CPNE4: variants seen among roughly 807,000 people sequenced by gnomAD.
CPNE4 encodes the protein copine 4, also known as copine-4.
CPNE4 carries 25 observed loss-of-function variants against 67.9 expected under a neutral mutation model. The observed-to-expected ratio is 0.37, with a 90% CI of 0.27 to 0.51. The LOEUF (loss-of-function observed/expected upper bound fraction) is 0.51, where lower values mean the gene tolerates loss of function less well. Ranked by LOEUF, CPNE4 falls within the 20% of genes least tolerant of loss-of-function variation. CPNE4 has a pLI of 0.93. For missense variants in CPNE4, 464 were observed against 690.8 expected, an observed-to-expected ratio of 0.67 and a Z score of 3.68; for synonymous variants, 242 against 244.9, an observed-to-expected ratio of 0.99 and a Z score of 0.11.
intron 1 of CPNE4, among the ~76,000 whole-genome samples, chr3:131,916,994 C>T (rs546346302): frequency 1.3e-5 from 2 of 152,262 alleles, no homozygotes; most frequent in East Asian, 3.9e-4. Flanking sequence ...TCAAGTTTAG[C>T]TGCTAGGCTT....
intron 2 of CPNE4, among the ~76,000 whole-genome samples, chr3:131,901,138 T>A (rs2107765412): frequency 6.6e-6 from 1 of 152,162 alleles, no homozygotes; most frequent in Non-Finnish European, 1.5e-5. Context: ...GAGCATATGC[T>A]CCAGTGAACT....
At chr3:131,750,875 G>T (rs2082609675) in intron 2 of CPNE4, among the ~76,000 whole-genome samples, 5 of 151,954 alleles carry the variant, frequency 3.3e-5, no homozygotes, top group Admixed American at 2.6e-4. Flanking sequence ...ATTTGAGAAT[G>T]TTTTGATTTC....
At chr3:131,718,505 G>T (rs1001516657) in intron 3 of CPNE4, among the ~76,000 whole-genome samples, 1 of 152,130 alleles carries the variant, frequency 6.6e-6, no homozygotes, top group Non-Finnish European at 1.5e-5. Context: ...CCTTCATGCT[G>T]CTGTGTCTTT....
intron 2 of CPNE4, among the ~76,000 whole-genome samples, chr3:131,871,318 G>A (rs563475125): frequency 3.0e-4 from 46 of 152,244 alleles, no homozygotes; most frequent in Admixed American, 1.6e-3. Flanking sequence ...GATTTGCCCT[G>A]ATAAGAAGAG....
intron 2 of CPNE4, among the ~76,000 whole-genome samples, chr3:131,827,671 C>G (rs780424160): frequency 1.3e-5 from 2 of 151,912 alleles, no homozygotes; most frequent in Non-Finnish European, 2.9e-5. Context: ...TTAATTATAT[C>G]ATAAGAAAAG....
At chr3:131,893,852 A>G (rs995875293) in intron 2 of CPNE4, among the ~76,000 whole-genome samples, 3 of 151,946 alleles carry the variant, frequency 2.0e-5, no homozygotes, top group Non-Finnish European at 4.4e-5. Flanking sequence ...AGAAACATCA[A>G]AAAGGAAGAA....
chr3:131,683,114 A>G (rs115535588), intron 6 of CPNE4, among the ~76,000 whole-genome samples: 1,557 of 152,232 alleles, frequency 0.01, 32 homozygotes, highest in African/African-American at 0.036. Flanking sequence ...CCAAGAGCCC[A>G]ATTGCTGCTC....
chr3:131,549,141 A>C (rs964818903), intron 14 of CPNE4, among the ~76,000 whole-genome samples: 1 of 152,204 alleles, frequency 6.6e-6, no homozygotes, highest in Non-Finnish European at 1.5e-5. Flanking sequence ...AGATGTTGAC[A>C]TGAGGTAGGA....
intron 7 of CPNE4, among the ~76,000 whole-genome samples, chr3:131,623,934 C>T (rs1040904608): frequency 6.6e-6 from 1 of 152,116 alleles, no homozygotes; most frequent in African/African-American, 2.4e-5. Context: ...AGGCATTACC[C>T]GATGTGGGTA....
chr3:131,915,702 T>G (rs941642107), intron 1 of CPNE4, among the ~76,000 whole-genome samples: 3 of 152,182 alleles, frequency 2.0e-5, no homozygotes, highest in African/African-American at 7.2e-5. Context: ...TTCAATCATT[T>G]CCTGAACTTT....
At chr3:131,834,182 T>C (rs769899489) in intron 2 of CPNE4, among the ~76,000 whole-genome samples, 1 of 152,366 alleles carries the variant, frequency 6.6e-6, no homozygotes, top group Admixed American at 6.5e-5. Flanking sequence ...TGAAAGCTTG[T>C]GGTTTAAATT....
At position 131,723,636 on chromosome 3, in the gene CPNE4, A is replaced by C; in HGVS notation, c.181-11T>G. On this transcript the variant is annotated splice_polypyrimidine_tract_variant and intron_variant, in intron 2 of 15. Transcript: ENST00000429747. Reference sequence around the variant, plus strand: ...CTCAGTCCTGTCAACCTGCAAGGAGAAAGAGAAAACCTATCAGAGATAAGG... The same window carrying C: ...CTCAGTCCTGTCAACCTGCAAGGAGCAAGAGAAAACCTATCAGAGATAAGG... 1 of 1,606,490 alleles carries C rather than the reference A, an allele frequency of 6.2e-7. No individual in the cohort carries two copies. Among genetic ancestry groups the C allele is most frequent in the Non-Finnish European group, 8.5e-7 (1 of 1,174,954 alleles).
At chr3:131,633,805 G>T (rs2079301689) in intron 7 of CPNE4, among the ~76,000 whole-genome samples, 1 of 151,674 alleles carries the variant, frequency 6.6e-6, no homozygotes, top group Non-Finnish European at 1.5e-5. Context: ...AAAGAAAGGA[G>T]AAAGAAAGAA....
intron 6 of CPNE4, among the ~76,000 whole-genome samples, chr3:131,684,655 C>A (rs2080842737): frequency 6.6e-6 from 1 of 152,170 alleles, no homozygotes; most frequent in South Asian, 2.1e-4. Flanking sequence ...ACACCACCAC[C>A]TTATGAAAGT....
intron 10 of CPNE4, among the ~76,000 whole-genome samples, chr3:131,567,977 C>A (rs141132326): frequency 0.013 from 1,938 of 152,006 alleles, 51 homozygotes; most frequent in African/African-American, 0.044. Flanking sequence ...GGCAATGGCC[C>A]CTACGTCTAT....
intron 7 of CPNE4, among the ~76,000 whole-genome samples, chr3:131,595,960 A>C (rs1202854021): frequency 1.3e-5 from 2 of 152,182 alleles, no homozygotes; most frequent in Non-Finnish European, 2.9e-5. Context: ...CAGAGAATAC[A>C]ATAGAGGTTG....
At chr3:131,581,121 C>T (rs140670681) in intron 9 of CPNE4, among the ~76,000 whole-genome samples, 4 of 152,198 alleles carry the variant, frequency 2.6e-5, no homozygotes, top group African/African-American at 4.8e-5. Context: ...TGCAGTGAGC[C>T]GATATCGCAC....
intron 1 of CPNE4, among the ~76,000 whole-genome samples, chr3:131,919,977 C>T (rs2070696976): frequency 6.6e-6 from 1 of 152,154 alleles, no homozygotes; most frequent in African/African-American, 2.4e-5. Context: ...TCATTCTCCC[C>T]AGCCTGGATC....
chr3:131,863,278 C>T (rs1235279580), intron 2 of CPNE4, among the ~76,000 whole-genome samples: 6 of 152,258 alleles, frequency 3.9e-5, no homozygotes, highest in South Asian at 2.1e-4. Flanking sequence ...CCTGAGGAAT[C>T]GCCACACTGA....
Sources: gnomAD v4.1 joint callset for allele counts (sites outside exome capture counted in the v4.1 genomes callset) on GRCh38, gnomAD v4.1.1 for gene constraint, MANE v1.5 for transcripts, NCBI Gene and HGNC (gene_info 2026-07-23, HGNC 2026-07-21) for gene names.